TTN: variants seen among roughly 807,000 people sequenced by gnomAD.
The protein encoded by TTN is connectin.
In TTN, 1,525 loss-of-function variants were observed where a neutral mutation model predicts 3,223.0. That is an observed-to-expected ratio of 0.47 (90% CI 0.45 to 0.49). TTN has a LOEUF of 0.49. Ranked by LOEUF, TTN falls within the 20% of genes least tolerant of loss-of-function variation. The pLI is 0.00. For synonymous variants in TTN, 14,094 were observed against 15,161.0 expected (o/e 0.93, Z 5.17); for missense variants, 40,786 against 43,424.0 (o/e 0.94, Z 5.40).
rs754062150 is a variant in TTN at position 178,565,307 on chromosome 2, C to A, written c.80825G>T (p.Gly26942Val). The A allele has an allele frequency of 6.2e-7, 1 of 1,613,620 alleles. No individual in the cohort carries two copies. The highest frequency in any genetic ancestry group is 8.5e-7 in the Non-Finnish European group (1 of 1,179,684). ...GTATTTTCCAAAGTCATCTTTGTTA[C>A]CTTCTTTAATGTGCAAAACAGTTGA... ...ATSTVLHIKEGNKDDFGKYTV... is the reference protein window; with the variant it reads ...ATSTVLHIKEVNKDDFGKYTV... The change falls in exon 326 of 363, where the codon GGT becomes GTT. Residue 26942 changes from glycine (G) to valine (V), a missense_variant. Coordinates refer to ENST00000589042, the MANE Select transcript of TTN (RefSeq NM_001267550.2).
intron 2 of TTN, among the ~76,000 whole-genome samples, chr2:178,803,931 G>GTGTTTGCT (rs1166905935): frequency 6.6e-6 from 1 of 152,138 alleles, no homozygotes; most frequent in African/African-American, 2.4e-5. Context: ...TCTAGGGTTA[G>GTGTTTGCT]TGTTTGCTTC....
chr2:178,592,896 T>C lies in TTN; in HGVS notation c.59223A>G (p.Lys19741=), dbSNP rs2050535967. Residue 19741 remains lysine, a synonymous_variant, in exon 300 of 363, where the codon AAA becomes AAG. Transcript: ENST00000589042. The part of the protein sequence containing the change: ...NHTPESCPET[K]YKVTGLRDGQ... ...CGTCCCGAAGACCGGTGACTTTATATTTAGTTTCAGGACATGACTCAGGGG... is the reference window on the plus strand; with the variant it reads ...CGTCCCGAAGACCGGTGACTTTATACTTAGTTTCAGGACATGACTCAGGGG... 1 of 1,613,500 alleles carries C rather than the reference T, an allele frequency of 6.2e-7. No homozygotes were observed. Among genetic ancestry groups the C allele is most frequent in the Non-Finnish European group, 8.5e-7 (1 of 1,179,580 alleles).
intron 349 of TTN, 33 bp from the exon 350 acceptor site, chr2:178,541,617 A>G: frequency 6.4e-7 from 1 of 1,551,316 alleles, no homozygotes; most frequent in Non-Finnish European, 8.7e-7. Context: ...ACGATATGGC[A>G]ATATGAATAC....
In TTN at chr2:178,735,832, T is replaced by C; in HGVS notation, c.14614A>G (p.Lys4872Glu). 6.2e-7 allele frequency: 1 copy of C among 1,613,730 alleles called. No homozygotes were observed. The highest frequency in any genetic ancestry group is 1.1e-5 in the South Asian group (1 of 91,080). The change falls in exon 50 of 363, where the codon AAG becomes GAG. Residue 4872 changes from lysine (K) to glutamate (E), a missense_variant. Transcript: ENST00000589042. The part of the protein sequence containing the change: ...RGVYSCKASN[K>E]FGADICQAEL... ...GCTTGGCAGATGTCTGCTCCAAACTTGTTGGAAGCCTTACAAGAATAAACT... is the reference window on the plus strand; with the variant it reads ...GCTTGGCAGATGTCTGCTCCAAACTCGTTGGAAGCCTTACAAGAATAAACT...
Position 178,551,985 on chromosome 2 carries a change from G to A in TTN, c.90915C>T (p.Tyr30305=), listed in dbSNP as rs748302876. 30 of 1,611,622 alleles carry A rather than the reference G, an allele frequency of 1.9e-5. No homozygotes were observed. Among genetic ancestry groups the A allele is most frequent in the East Asian group, 2.2e-5 (1 of 44,806 alleles). Residue 30305 remains tyrosine, a synonymous_variant, in exon 335 of 363, where the codon TAC becomes TAT. Transcript: ENST00000589042. ...YQFRVRAENR[Y]GVSQPLVSSI... is the part of the protein sequence containing the mutation. ...TTGAGACAAGTGGTTGGCTGACTCC[G>A]TATCTGTTTTCTGCTCTCACTCTAA...
intron 189 of TTN, chr2:178,655,590 AG>A: frequency 4.2e-5 from 1 of 23,544 alleles, no homozygotes; most frequent in South Asian, 1.5e-3. Context: ...GCAAAGTCTC[AG>A]GATACAAAAT....
In TTN at chr2:178,557,574, C is replaced by T; in HGVS notation, c.87707-19G>A. ...GGTGTTGCTACAAAAGAGAGAAATCCTATAGATTAGTACAGACAATAACAC... is the reference window on the plus strand; with the variant it reads ...GGTGTTGCTACAAAAGAGAGAAATCTTATAGATTAGTACAGACAATAACAC... On this transcript the variant is annotated intron_variant, in intron 328 of 362. Transcript: ENST00000589042. The T allele has an allele frequency of 6.2e-7, 1 of 1,613,754 alleles. No individual in the cohort carries two copies. The highest frequency in any genetic ancestry group is 2.2e-5 in the East Asian group (1 of 44,854).
At chr2:178,694,769 G>C in intron 116 of TTN, 60 bp downstream of exon 116, 2 of 1,487,684 alleles carry the variant, frequency 1.3e-6, no homozygotes, top group Non-Finnish European at 1.8e-6. Context: ...ACTAATGTGA[G>C]TATAGATCAG....
chr2:178,806,219 C>T (rs1179960821), intron 1 of TTN, among the ~76,000 whole-genome samples: 1 of 152,060 alleles, frequency 6.6e-6, no homozygotes, highest in Non-Finnish European at 1.5e-5. Context: ...TCAGAAACTC[C>T]TTTTTGTAGC....
intron 359 of TTN, 51 bp downstream of exon 359, chr2:178,529,909 C>A: frequency 6.5e-7 from 1 of 1,541,128 alleles, no homozygotes. Flanking sequence ...GAAAATATTT[C>A]CCTAATATTA....
In TTN at chr2:178,776,638, T is replaced by C. The variant is rs2154346236; in HGVS notation, c.5226A>G (p.Gly1742=). The C allele has an allele frequency of 6.2e-7, 1 of 1,614,122 alleles. No homozygotes were observed. The change falls in exon 28 of 363, where the codon GGA becomes GGG. Residue 1742 remains glycine (G), a synonymous_variant. Transcript: ENST00000589042. ...GCCTGTTGGCTGCTTCAAGTGGCTT[T>C]CCATCATGGAGCCACTCCACCACCA... ...PTMVVEWLHD[G]KPLEAANRLR... is the part of the protein sequence containing the mutation.
intron 37 of TTN, 31 bp from the exon 38 acceptor site, chr2:178,768,964 G>A (rs112996924): frequency 1.9e-6 from 3 of 1,610,658 alleles, no homozygotes; most frequent in African/African-American, 1.3e-5. Flanking sequence ...AACACCCAAG[G>A]AGACTTTACG....
At chr2:178,615,224 A>C (rs1410081718) in intron 259 of TTN, 83 bp downstream of exon 259, 15 of 1,504,324 alleles carry the variant, frequency 1.0e-5, no homozygotes, top group Non-Finnish European at 1.3e-5. Context: ...ATGAAAAAAG[A>C]CAAACATTTA....
At chr2:178,766,264 A>G (rs2090391949) in intron 41 of TTN, 117 bp downstream of exon 41, 1 of 836,008 alleles carries the variant, frequency 1.2e-6, no homozygotes, top group Admixed American at 2.0e-5. Flanking sequence ...AGCTGGAACC[A>G]CATGAATACC....
In TTN at chr2:178,560,364, G is replaced by A. The variant is rs748689777; in HGVS notation, c.85768C>T (p.Arg28590Ter). The A allele has an allele frequency of 2.5e-6, 4 of 1,613,456 alleles. No homozygotes were observed. The highest frequency in any genetic ancestry group is 2.5e-6 in the Non-Finnish European group (3 of 1,179,736). The change falls in exon 326 of 363, where the codon CGA (arginine) becomes TGA (stop). Residue 28590 changes from arginine (R) to a stop codon, truncating the protein, a stop_gained. Transcript: ENST00000589042. LOFTEE classifies it high-confidence loss of function. ...ACCCATCTTAGGCTATTTTTCTCTC[G>A]CCTTTCAATTATATATCCAGATATT... ...SEISGYIIER[R>*]EKNSLRWVRV... is the part of the protein sequence containing the mutation.
Position 178,782,599 on chromosome 2 carries a change from G to T in TTN, c.3104C>A (p.Ser1035Ter), listed in dbSNP as rs776747375. ...TGTGGTTTCCTTTTCAAATTCTTCT[G>T]ACACTAAAAGAAGACAAAAGTTTCT... ...STSCYLAVQV[S>*]EEFEKETTAV... The change falls in exon 19 of 363, where the codon TCA (serine) becomes TAA (stop). Residue 1035 changes from serine (S) to a stop codon, truncating the protein, a stop_gained. Coordinates refer to ENST00000589042, the MANE Select transcript of TTN (RefSeq NM_001267550.2). LOFTEE classifies it high-confidence loss of function. 6.2e-7 allele frequency: 1 copy of T among 1,613,760 alleles called. No individual in the cohort carries two copies. The highest frequency in any genetic ancestry group is 8.5e-7 in the Non-Finnish European group (1 of 1,179,906).
chr2:178,769,043 A>T (rs1223418771), intron 37 of TTN, 110 bp from the exon 38 acceptor site: 5 of 1,241,778 alleles, frequency 4.0e-6, no homozygotes, highest in Non-Finnish European at 5.7e-6. Context: ...TCTGTTGAGG[A>T]GATTACAGTT....
At chr2:178,801,805 A>C (rs746839460) in intron 3 of TTN, among the ~76,000 whole-genome samples, 25 of 152,306 alleles carry the variant, frequency 1.6e-4, no homozygotes, top group African/African-American at 5.5e-4. Context: ...TCCCTGGAGA[A>C]TATGTCTTAT....
At chr2:178,663,144 G>A in intron 173 of TTN, 89 bp from the exon 174 acceptor site, 2 of 1,609,038 alleles carry the variant, frequency 1.2e-6, no homozygotes, top group Middle Eastern at 2.3e-4. Context: ...ATTTTGGATA[G>A]CGATTGACAT....
Sources: allele counts gnomAD v4.1 joint callset (sites outside exome capture counted in the v4.1 genomes callset), GRCh38; gene constraint gnomAD v4.1.1; transcripts MANE v1.5; gene names NCBI Gene and HGNC (gene_info 2026-07-23, HGNC 2026-07-21).